Variants in CNTN4 observed in about 807,000 individuals in gnomAD.
CNTN4 encodes the protein contactin-4.
A neutral mutation model predicts 122.5 loss-of-function variants in CNTN4; 77 were observed. That is an observed-to-expected ratio of 0.63 (90% confidence interval 0.52 to 0.76). The LOEUF (loss-of-function observed/expected upper bound fraction) is 0.76, where lower values mean the gene tolerates loss of function less well. Among genes scored for constraint, CNTN4 ranks in the 30% least tolerant of loss-of-function variants. The pLI is 0.00. For missense variants in CNTN4, 1,256 were observed against 1,259.1 expected (o/e 1.00, Z 0.04); for synonymous variants, 512 against 447.0 (o/e 1.15, Z -1.83).
At chr3:2,833,401 CAGAA>C (rs1379861696) in intron 7 of CNTN4, among the ~76,000 whole-genome samples, 1 of 152,096 alleles carries the variant, frequency 6.6e-6, no homozygotes, top group Non-Finnish European at 1.5e-5. Context: ...GTATAATAAT[CAGAA>C]AGCTTCATAA....
At chr3:2,858,845 C>T (rs975779262) in intron 7 of CNTN4, among the ~76,000 whole-genome samples, 2 of 152,116 alleles carry the variant, frequency 1.3e-5, no homozygotes, top group East Asian at 3.8e-4. Context: ...AATTCGTATA[C>T]ATTATGGATT....
intron 4 of CNTN4, among the ~76,000 whole-genome samples, chr3:2,590,145 T>C (rs1022498240): frequency 1.1e-4 from 16 of 152,328 alleles, no homozygotes; most frequent in African/African-American, 3.1e-4. Flanking sequence ...TTCTGGTTGG[T>C]CTTCCCTCAT....
chr3:2,533,724 A>G (rs1216806086), intron 3 of CNTN4, among the ~76,000 whole-genome samples: 2 of 151,952 alleles, frequency 1.3e-5, no homozygotes, highest in Admixed American at 1.3e-4. Context: ...GTCTTCCACA[A>G]TGGTTGAACT....
intron 3 of CNTN4, among the ~76,000 whole-genome samples, chr3:2,391,198 A>G (rs1380247230): frequency 1.3e-5 from 2 of 152,220 alleles, no homozygotes; most frequent in Non-Finnish European, 2.9e-5. Context: ...CATATCTTCA[A>G]ATATAATAAC....
At chr3:2,891,176 T>C (rs2094035556) in intron 10 of CNTN4, among the ~76,000 whole-genome samples, 1 of 152,028 alleles carries the variant, frequency 6.6e-6, no homozygotes. Flanking sequence ...AATAATGAGG[T>C]TGATTGGCCA....
chr3:2,927,234 C>A (rs2094481243), intron 13 of CNTN4: 3 of 445,544 alleles, frequency 6.7e-6, no homozygotes, highest in Middle Eastern at 3.3e-4. Flanking sequence ...AGCTATGCTA[C>A]TGTAACAAGC....
chr3:2,714,430 TG>T (rs919931084), intron 4 of CNTN4, among the ~76,000 whole-genome samples: 42 of 152,096 alleles, frequency 2.8e-4, no homozygotes, highest in African/African-American at 9.9e-4. Context: ...GGGGAAGTGT[TG>T]GGGTTGGAGA....
rs563537956 is a variant in CNTN4, at chr3:2,150,395, A to C, written c.-145+49756A>C. ...GACTTCTGCACATTCTTGGAAAATT[A>C]ATATCTCTTTTTTTCCTTGCAATTT... On this transcript the variant is annotated intron_variant, in intron 2 of 24. Transcript: ENST00000418658. Among the ~76,000 whole-genome samples the C allele has an allele frequency of 3.9e-5, 6 of 152,304 alleles. No individual in the cohort carries two copies. In the South Asian group the frequency reaches 1.0e-3, roughly 26 times the overall value.
intron 14 of CNTN4, among the ~76,000 whole-genome samples, chr3:3,015,087 A>G (rs1697623764): frequency 6.6e-6 from 1 of 152,124 alleles, no homozygotes; most frequent in South Asian, 2.1e-4. Context: ...AGGGCTCTTC[A>G]GATTTTCATT....
In CNTN4 at chr3:2,362,929, C is replaced by T. The variant is rs149623393; in HGVS notation, c.-89+23696C>T. On this transcript the variant is annotated intron_variant, in intron 3 of 24. Coordinates refer to ENST00000418658, the MANE Select transcript of CNTN4 (RefSeq NM_175607.3). ...CTATTATAAGATTCTCACATAAAGCCTAAATAAAGCAATTGAAGAACATTA... is the reference window on the plus strand; with the variant it reads ...CTATTATAAGATTCTCACATAAAGCTTAAATAAAGCAATTGAAGAACATTA... Among the ~76,000 whole-genome samples, 19 of 152,212 alleles carry T rather than the reference C, an allele frequency of 1.2e-4. No homozygotes were observed. In the East Asian group the frequency reaches 3.7e-3, roughly 29 times the overall value.
At chr3:2,688,217 A>G (rs1424856871) in intron 4 of CNTN4, among the ~76,000 whole-genome samples, 1 of 152,156 alleles carries the variant, frequency 6.6e-6, no homozygotes, top group African/African-American at 2.4e-5. Context: ...TAATCTGCTT[A>G]TTTCTACCTA....
intron 3 of CNTN4, among the ~76,000 whole-genome samples, chr3:2,433,883 T>C (rs2048167601): frequency 6.6e-6 from 1 of 152,190 alleles, no homozygotes; most frequent in Non-Finnish European, 1.5e-5. Context: ...GAGGACATTA[T>C]GCCAATTGAA....
intron 12 of CNTN4, among the ~76,000 whole-genome samples, chr3:2,917,072 G>A (rs1577261589): frequency 1.6e-5 from 2 of 127,838 alleles, no homozygotes; most frequent in South Asian, 5.4e-4. Flanking sequence ...GGCCGAGGCT[G>A]GCGGATCACT....
chr3:2,848,010 A>G (rs2093483510), intron 7 of CNTN4, among the ~76,000 whole-genome samples: 1 of 152,134 alleles, frequency 6.6e-6, no homozygotes. Flanking sequence ...TGTAATCCCA[A>G]CACTTCGGGA....
At chr3:2,867,535 C>A (rs1209122448) in intron 8 of CNTN4, among the ~76,000 whole-genome samples, 2 of 152,052 alleles carry the variant, frequency 1.3e-5, no homozygotes, top group African/African-American at 4.8e-5. Context: ...TAAAGACGGC[C>A]GTGTATGCCA....
chr3:2,467,485 A>G (rs975367767), intron 3 of CNTN4, among the ~76,000 whole-genome samples: 2 of 152,218 alleles, frequency 1.3e-5, no homozygotes, highest in Non-Finnish European at 2.9e-5. Flanking sequence ...TTCATTGTAG[A>G]ATAGACATGA....
intron 3 of CNTN4, among the ~76,000 whole-genome samples, chr3:2,437,678 G>A (rs1463968975): frequency 6.6e-6 from 1 of 152,172 alleles, no homozygotes; most frequent in Admixed American, 6.5e-5. Context: ...CCTGGGCTCT[G>A]AAGCCATTTT....
intron 4 of CNTN4, among the ~76,000 whole-genome samples, chr3:2,719,757 A>C (rs1318171582): frequency 6.6e-6 from 1 of 152,122 alleles, no homozygotes; most frequent in African/African-American, 2.4e-5. Context: ...TGAAAAGTTA[A>C]TTTACATAGA....
Position 3,030,890 on chromosome 3 carries a change from C to A in CNTN4, c.1698C>A (p.Ile566=). 1 of 1,614,064 alleles carries A rather than the reference C, an allele frequency of 6.2e-7. No individual in the cohort carries two copies. The highest frequency in any genetic ancestry group is 8.5e-7 in the Non-Finnish European group (1 of 1,179,948). ...DSAGDLMIRN[I]QLKHAGKYVC... ...CTGGTGATTTGATGATCCGAAACATCCAACTGAAGCATGCTGGGAAATATG... is the reference window on the plus strand; with the variant it reads ...CTGGTGATTTGATGATCCGAAACATACAACTGAAGCATGCTGGGAAATATG... The change falls in exon 16 of 25, where the codon ATC becomes ATA. Residue 566 remains isoleucine (I), a synonymous_variant. Coordinates refer to ENST00000418658, the MANE Select transcript of CNTN4 (RefSeq NM_175607.3).
Sources: gnomAD v4.1 joint callset for allele counts (sites outside exome capture counted in the v4.1 genomes callset) on GRCh38, gnomAD v4.1.1 for gene constraint, MANE v1.5 for transcripts, NCBI Gene and HGNC (gene_info 2026-07-23, HGNC 2026-07-21) for gene names.